Variants in THAP12 observed in about 807,000 individuals in gnomAD.
THAP12 encodes the protein 52 kDa repressor of the inhibitor of the protein kinase.
In THAP12, 20 loss-of-function variants were observed where a neutral mutation model predicts 63.0. The observed-to-expected ratio is 0.32, with a 90% CI of 0.22 to 0.46. THAP12 has a LOEUF of 0.46. THAP12 is among the 20% of genes least tolerant of loss of function. The pLI, the probability that THAP12 is intolerant of heterozygous loss-of-function variation, is 1.00. For missense variants in THAP12, 568 were observed against 908.2 expected (o/e 0.63, Z 4.81); for synonymous variants, 264 against 328.4 (o/e 0.80, Z 2.12).
intron 2 of THAP12, among the ~76,000 whole-genome samples, chr11:76,362,769 G>T (rs1946606136): frequency 6.6e-6 from 1 of 152,164 alleles, no homozygotes; most frequent in Admixed American, 6.5e-5. Flanking sequence ...AAATCAAATT[G>T]ATTTTCTATT....
At position 76,381,076 on chromosome 11, in the gene THAP12, C is replaced by T; in HGVS notation, c.-240G>A. On this transcript the variant is annotated 5_prime_UTR_variant, in exon 1 of 5. Coordinates refer to ENST00000260045, the MANE Select transcript of THAP12 (RefSeq NM_004705.4). ...CGGCCGGGAGGATTTACCGCCGCCG[C>T]CGCCGCTGGTGCACCTCCCGCCCGC... 5.0e-6 allele frequency: 1 copy of T among 198,166 alleles called. No individual in the cohort carries two copies. The highest frequency in any genetic ancestry group is 1.3e-4 in the East Asian group (1 of 7,922). 12.3% of individuals were successfully genotyped at this position (198,166 alleles called of 1,614,324 possible).
At chr11:76,369,977 T>C (rs763853092) in intron 1 of THAP12, among the ~76,000 whole-genome samples, 1 of 152,248 alleles carries the variant, frequency 6.6e-6, no homozygotes, top group Non-Finnish European at 1.5e-5. Context: ...CAAGCCCTTC[T>C]AGTGAATCTT....
At chr11:76,355,702 C>T in intron 3 of THAP12, 48 bp from the exon 4 acceptor site, 1 of 1,479,828 alleles carries the variant, frequency 6.8e-7, no homozygotes. Flanking sequence ...CTTTAAAAAA[C>T]TGACCTCTAG....
Position 76,355,635 on chromosome 11 carries a change from G to A in THAP12, c.338C>T (p.Thr113Ile). ...IKELSEDEIR[T>I]LKQKKIDETS... ...TCACTTACTTTTTTTCTGTTTCAGT[G>A]TCCTGATTTCATCTTCACTCTAAAT... Residue 113 changes from threonine to isoleucine, a missense_variant, in exon 4 of 5, where the codon ACA becomes ATA. By Grantham distance (89) the Thr-to-Ile change is moderately conservative. Transcript: ENST00000260045. The A allele has an allele frequency of 6.3e-7, 1 of 1,592,698 alleles. No homozygotes were observed. The highest frequency in any genetic ancestry group is 1.2e-5 in the South Asian group (1 of 86,014).
At chr11:76,371,852 G>A (rs1489544148) in intron 1 of THAP12, among the ~76,000 whole-genome samples, 2 of 122,216 alleles carry the variant, frequency 1.6e-5, no homozygotes, top group Admixed American at 1.1e-4. Flanking sequence ...TGCTCTTGTC[G>A]CTCAGGCTGG....
chr11:76,375,390 C>A (rs916608731), intron 1 of THAP12, among the ~76,000 whole-genome samples: 2 of 132,922 alleles, frequency 1.5e-5, no homozygotes, highest in African/African-American at 5.5e-5. Flanking sequence ...AAGACTTAGG[C>A]TTTTTTTTTT....
chr11:76,358,227 A>G (rs1289212465), intron 3 of THAP12: 1 of 151,986 alleles, frequency 6.6e-6, no homozygotes, highest in Non-Finnish European at 1.5e-5. Context: ...AACTTATTTT[A>G]TGAGGCCAAT....
intron 3 of THAP12, 74 bp downstream of exon 3, chr11:76,360,882 A>T: frequency 2.0e-6 from 2 of 1,006,682 alleles, no homozygotes; most frequent in Non-Finnish European, 3.0e-6. Flanking sequence ...GATTAATTTT[A>T]ACATAAATGC....
At position 76,355,629 on chromosome 11, in the gene THAP12, T is replaced by G. The variant is rs1282479584; in HGVS notation, c.344A>C (p.Lys115Thr). 6 of 1,596,788 alleles carry G rather than the reference T, an allele frequency of 3.8e-6. No homozygotes were observed. The highest frequency in any genetic ancestry group is 5.1e-6 in the Non-Finnish European group (6 of 1,173,658). ...ELSEDEIRTLKQKKIDETSEQ... is the reference protein window; with the variant it reads ...ELSEDEIRTLTQKKIDETSEQ... Reference sequence around the variant, plus strand: ...ACACTATCACTTACTTTTTTTCTGTTTCAGTGTCCTGATTTCATCTTCACT... The same window carrying G: ...ACACTATCACTTACTTTTTTTCTGTGTCAGTGTCCTGATTTCATCTTCACT... Residue 115 changes from lysine (K) to threonine (T), a missense_variant, in exon 4 of 5, where the codon AAA (lysine) becomes ACA (threonine). Lys to Thr is a moderately conservative substitution (Grantham distance 78). Coordinates refer to ENST00000260045, the MANE Select transcript of THAP12 (RefSeq NM_004705.4).
At chr11:76,366,048 A>T (rs1330903503) in intron 1 of THAP12, 76 bp from the exon 2 acceptor site, 1 of 1,482,018 alleles carries the variant, frequency 6.7e-7, no homozygotes, top group Non-Finnish European at 9.2e-7. Context: ...TAAGGCAAAC[A>T]TACATTAATA....
chr11:76,370,273 A>T (rs370981725), intron 1 of THAP12, among the ~76,000 whole-genome samples: 54 of 152,220 alleles, frequency 3.5e-4, no homozygotes, highest in African/African-American at 1.3e-3. Flanking sequence ...TCTATTTTTT[A>T]AAAATCCCGG....
At chr11:76,365,556 T>C (rs906538027) in intron 2 of THAP12, among the ~76,000 whole-genome samples, 79 of 152,180 alleles carry the variant, frequency 5.2e-4, no homozygotes, top group African/African-American at 1.9e-3. Flanking sequence ...GCTAGTTTTT[T>C]TGGTATTTTC....
chr11:76,356,305 A>T (rs1220333946), intron 3 of THAP12: 1 of 152,292 alleles, frequency 6.6e-6, no homozygotes, highest in African/African-American at 2.4e-5. Context: ...ACAGCTGAAG[A>T]CAGCAGGATG....
At position 76,351,481 on chromosome 11, in the gene THAP12, G is replaced by C. The variant is rs773846983; in HGVS notation, c.1669C>G (p.Arg557Gly). The change falls in exon 5 of 5, where the codon CGC (arginine) becomes GGC (glycine). Residue 557 changes from arginine to glycine, a missense_variant. By Grantham distance (125) the Arg-to-Gly change is moderately radical. Transcript: ENST00000260045. ...DIQMKLPGKF[R>G]RAHQGNLESQ... ...TCCAAGTTACCCTGGTGAGCTCTGC[G>C]GAATTTCCCAGGGAGTTTCATTTGA... The C allele has an allele frequency of 2.5e-6, 4 of 1,574,214 alleles. No homozygotes were observed. Among genetic ancestry groups the C allele is most frequent in the Non-Finnish European group, 3.5e-6 (4 of 1,158,032 alleles).
At chr11:76,379,252 C>A (rs1214837384) in intron 1 of THAP12, among the ~76,000 whole-genome samples, 1 of 152,170 alleles carries the variant, frequency 6.6e-6, no homozygotes, top group Non-Finnish European at 1.5e-5. Flanking sequence ...CCATCTCCTC[C>A]TCTATTAATC....
intron 1 of THAP12, among the ~76,000 whole-genome samples, chr11:76,368,824 A>T (rs1270158409): frequency 6.6e-6 from 1 of 152,228 alleles, no homozygotes; most frequent in Non-Finnish European, 1.5e-5. Context: ...AAAAGATAAC[A>T]CAGGAGATTA....
chr11:76,363,223 G>A (rs924390175), intron 2 of THAP12, among the ~76,000 whole-genome samples: 2 of 152,166 alleles, frequency 1.3e-5, no homozygotes, highest in African/African-American at 4.8e-5. Context: ...TACTACGTAT[G>A]ATACCAAGTA....
chr11:76,371,769 G>A (rs927995130), intron 1 of THAP12, among the ~76,000 whole-genome samples: 12 of 150,958 alleles, frequency 7.9e-5, no homozygotes, highest in African/African-American at 2.7e-4. Context: ...CAAATCCAAC[G>A]GTCACTTTCC....
intron 1 of THAP12, among the ~76,000 whole-genome samples, chr11:76,379,926 G>T (rs1946739500): frequency 6.6e-6 from 1 of 152,116 alleles, no homozygotes; most frequent in South Asian, 2.1e-4. Context: ...TTCCCTTACT[G>T]GACTGAGAGC....
Sources: gnomAD v4.1 joint callset for allele counts (sites outside exome capture counted in the v4.1 genomes callset) on GRCh38, gnomAD v4.1.1 for gene constraint, MANE v1.5 for transcripts, NCBI Gene and HGNC (gene_info 2026-07-23, HGNC 2026-07-21) for gene names.